CTNNA3: variants seen among roughly 807,000 people sequenced by gnomAD.
CTNNA3 encodes catenin alpha 3.
Under a neutral mutation model 95.7 loss-of-function variants are expected in CTNNA3, and 76 were observed. The observed-to-expected ratio is 0.79, with a 90% CI of 0.66 to 0.96. The LOEUF (loss-of-function observed/expected upper bound fraction) is 0.96, where lower values mean the gene tolerates loss of function less well. Among genes scored for constraint, CTNNA3 ranks in the 40% least tolerant of loss-of-function variants. CTNNA3 has a pLI of 0.00. For missense variants in CTNNA3, 1,191 were observed against 1,089.8 expected (o/e 1.09, Z -1.31); for synonymous variants, 431 against 374.4 (o/e 1.15, Z -1.74).
At position 66,222,067 on chromosome 10, in the gene CTNNA3, T is replaced by C. The variant is rs541743104; in HGVS notation, c.1884+58403A>G. ...TTATTTTAATTAAAATTGGTTCACT[T>C]TGATGACATAAAACATATTGATTAT... On this transcript the variant is annotated intron_variant, in intron 13 of 17. Transcript: ENST00000433211. Among the ~76,000 whole-genome samples the C allele has an allele frequency of 3.3e-5, 5 of 152,274 alleles. No individual in the cohort carries two copies. In the East Asian group the frequency reaches 7.7e-4, roughly 23 times the overall value.
chr10:67,731,865 T>G (rs1841276511), intron 1 of CTNNA3, among the ~76,000 whole-genome samples: 1 of 148,656 alleles, frequency 6.7e-6, no homozygotes, highest in African/African-American at 2.6e-5. Context: ...TTTGTTGTTG[T>G]TGTTGTTTTG....
intron 13 of CTNNA3, among the ~76,000 whole-genome samples, chr10:66,153,335 G>T (rs1477440686): frequency 6.6e-6 from 1 of 151,902 alleles, no homozygotes; most frequent in Non-Finnish European, 1.5e-5. Context: ...TTCTTTGAAT[G>T]TGAAGCCAGT....
intron 12 of CTNNA3, among the ~76,000 whole-genome samples, chr10:66,289,889 A>G (rs2091650437): frequency 6.6e-6 from 1 of 152,080 alleles, no homozygotes; most frequent in Non-Finnish European, 1.5e-5. Flanking sequence ...GTTCCCTTCT[A>G]TAAAATGAAA....
At chr10:66,884,729 C>T (rs927629003) in intron 7 of CTNNA3, among the ~76,000 whole-genome samples, 2 of 152,098 alleles carry the variant, frequency 1.3e-5, no homozygotes, top group Non-Finnish European at 2.9e-5. Context: ...TCAGTGCAAT[C>T]TGTTACATTG....
chr10:65,970,937 A>G (rs1277576590), intron 16 of CTNNA3, among the ~76,000 whole-genome samples: 2 of 151,422 alleles, frequency 1.3e-5, no homozygotes, highest in Admixed American at 6.6e-5. Context: ...AGGAACTTCA[A>G]CAACTCACTA....
At chr10:66,895,064 A>AAAAAG (rs999091016) in intron 7 of CTNNA3, among the ~76,000 whole-genome samples, 1 of 150,046 alleles carries the variant, frequency 6.7e-6, no homozygotes, top group African/African-American at 2.4e-5. Context: ...CAAAAAAAAA[A>AAAAAG]AAAAAAAAGA....
intron 9 of CTNNA3, among the ~76,000 whole-genome samples, chr10:66,661,606 TC>T (rs1396162575): frequency 6.6e-6 from 1 of 151,974 alleles, no homozygotes; most frequent in African/African-American, 2.4e-5. Flanking sequence ...TACTCTCATA[TC>T]CCCTCTTGGT....
intron 16 of CTNNA3, among the ~76,000 whole-genome samples, chr10:65,980,202 C>A (rs557078613): frequency 2.0e-5 from 3 of 152,014 alleles, no homozygotes; most frequent in East Asian, 3.9e-4. Flanking sequence ...AACACCTTTA[C>A]ATACATAAAC....
At chr10:66,235,963 T>C (rs2132024399) in intron 13 of CTNNA3, among the ~76,000 whole-genome samples, 1 of 152,312 alleles carries the variant, frequency 6.6e-6, no homozygotes. Flanking sequence ...ATAGTAGCAC[T>C]TTTGACACAT....
At chr10:66,074,937 A>T (rs1170339179) in intron 14 of CTNNA3, among the ~76,000 whole-genome samples, 1 of 151,606 alleles carries the variant, frequency 6.6e-6, no homozygotes, top group Non-Finnish European at 1.5e-5. Context: ...CTCAAGAGCT[A>T]AAAAAAACTC....
At chr10:66,234,284 T>G (rs1262757969) in intron 13 of CTNNA3, among the ~76,000 whole-genome samples, 1 of 152,174 alleles carries the variant, frequency 6.6e-6, no homozygotes, top group African/African-American at 2.4e-5. Context: ...AATATATATA[T>G]TTGGTCATAA....
chr10:65,941,992 G>A (rs971826026), intron 17 of CTNNA3, among the ~76,000 whole-genome samples: 14 of 151,976 alleles, frequency 9.2e-5, no homozygotes, highest in Admixed American at 2.0e-4. Flanking sequence ...CCAAGCCCTC[G>A]TCACCTGTTT....
At chr10:66,303,836 G>A (rs539108253) in intron 12 of CTNNA3, among the ~76,000 whole-genome samples, 19 of 152,024 alleles carry the variant, frequency 1.2e-4, no homozygotes, top group Non-Finnish European at 2.6e-4. Flanking sequence ...CTCGTGATCC[G>A]CCCACCTCGG....
At chr10:66,483,318 G>A (rs1304839590) in intron 11 of CTNNA3, among the ~76,000 whole-genome samples, 1 of 152,036 alleles carries the variant, frequency 6.6e-6, no homozygotes, top group Non-Finnish European at 1.5e-5. Flanking sequence ...TTTTGATAAA[G>A]TAATTAGCAT....
intron 5 of CTNNA3, among the ~76,000 whole-genome samples, chr10:67,304,350 T>G (rs1840451656): frequency 6.6e-6 from 1 of 152,204 alleles, no homozygotes; most frequent in African/African-American, 2.4e-5. Flanking sequence ...TGTTTATAAT[T>G]ATAGACTGCT....
intron 5 of CTNNA3, among the ~76,000 whole-genome samples, chr10:67,365,954 T>C (rs181801209): frequency 6.6e-6 from 1 of 152,214 alleles, no homozygotes; most frequent in Non-Finnish European, 1.5e-5. Flanking sequence ...CTATTCACAA[T>C]AGCAAAGACT....
chr10:67,542,091 G>A (rs959183126), intron 3 of CTNNA3, among the ~76,000 whole-genome samples: 1 of 152,064 alleles, frequency 6.6e-6, no homozygotes, highest in Non-Finnish European at 1.5e-5. Context: ...CAGTCAGGTA[G>A]CTCTGTTGGG....
chr10:65,943,314 T>G (rs867316077), intron 17 of CTNNA3, among the ~76,000 whole-genome samples: 29 of 152,298 alleles, frequency 1.9e-4, no homozygotes, highest in African/African-American at 6.7e-4. Flanking sequence ...TCCACCCACC[T>G]CAGCCTCCCA....
chr10:67,516,224 T>A (rs879927500), intron 5 of CTNNA3, among the ~76,000 whole-genome samples: 2 of 152,176 alleles, frequency 1.3e-5, no homozygotes, highest in Admixed American at 1.3e-4. Context: ...TACAATTCCA[T>A]TTTAATGTTA....
Sources: gnomAD v4.1 joint callset for allele counts (sites outside exome capture counted in the v4.1 genomes callset) on GRCh38, gnomAD v4.1.1 for gene constraint, MANE v1.5 for transcripts, NCBI Gene and HGNC (gene_info 2026-07-23, HGNC 2026-07-21) for gene names.